The following SLC9A9 variants were observed in gnomAD, a reference collection of about 807,000 sequenced individuals.
SLC9A9 encodes sodium/hydrogen exchanger 9.
In SLC9A9, 62 loss-of-function variants were observed where a neutral mutation model predicts 77.8. The observed-to-expected ratio is 0.80, with a 90% CI of 0.65 to 0.98. The LOEUF (loss-of-function observed/expected upper bound fraction) is 0.98, where lower values mean the gene tolerates loss of function less well. SLC9A9 is among the 50% of genes least tolerant of loss of function. The probability of loss-of-function intolerance (pLI) is 0.00; values close to 1 mark genes in which losing one functional copy is unlikely to be tolerated. For synonymous variants in SLC9A9, 320 were observed against 283.5 expected, an observed-to-expected ratio of 1.13 and a Z score of -1.29; for missense variants, 775 against 774.9, an observed-to-expected ratio of 1.00 and a Z score of 0.00.
chr3:143,350,516 C>T (rs1364716813), intron 14 of SLC9A9, among the ~76,000 whole-genome samples: 1 of 152,198 alleles, frequency 6.6e-6, no homozygotes, highest in African/African-American at 2.4e-5. Context: ...TGCCGAGCTG[C>T]AATCCTCACT....
chr3:143,303,772 G>C (rs1156807639), intron 14 of SLC9A9, among the ~76,000 whole-genome samples: 1 of 152,142 alleles, frequency 6.6e-6, no homozygotes, highest in African/African-American at 2.4e-5. Flanking sequence ...TTCAGGTCTG[G>C]ATGACCTCTG....
intron 6 of SLC9A9, among the ~76,000 whole-genome samples, chr3:143,608,955 A>G (rs1420692111): frequency 1.3e-5 from 2 of 152,186 alleles, no homozygotes; most frequent in Non-Finnish European, 2.9e-5. Flanking sequence ...TTATTTTAAA[A>G]CTTTTATCTA....
chr3:143,359,314 A>G (rs1289906752), intron 14 of SLC9A9, among the ~76,000 whole-genome samples: 1 of 152,210 alleles, frequency 6.6e-6, no homozygotes, highest in African/African-American at 2.4e-5. Flanking sequence ...TGTCTATGGA[A>G]GGCACATATC....
intron 9 of SLC9A9, among the ~76,000 whole-genome samples, chr3:143,535,710 C>T (rs55937008): frequency 0.13 from 19,069 of 152,034 alleles, 1,252 homozygotes; most frequent in Non-Finnish European, 0.14. Context: ...TTCTACAATT[C>T]GTAACCCAAA....
chr3:143,377,625 T>A (rs2108495289), intron 13 of SLC9A9, among the ~76,000 whole-genome samples: 1 of 152,284 alleles, frequency 6.6e-6, no homozygotes, highest in Non-Finnish European at 1.5e-5. Flanking sequence ...GAGAAACCAT[T>A]AAGTAACAAG....
intron 6 of SLC9A9, among the ~76,000 whole-genome samples, chr3:143,629,752 G>C (rs750345874): frequency 6.6e-6 from 1 of 152,106 alleles, no homozygotes; most frequent in Non-Finnish European, 1.5e-5. Flanking sequence ...AGGTGGCACT[G>C]GGGGTAGAGA....
chr3:143,624,572 A>AAC (rs1324415716), intron 6 of SLC9A9, among the ~76,000 whole-genome samples: 3 of 152,238 alleles, frequency 2.0e-5, no homozygotes, highest in African/African-American at 7.2e-5. Context: ...ACAGCCCCTC[A>AAC]TGCTAAAAAC....
chr3:143,483,351 T>G (rs553527548), intron 11 of SLC9A9, among the ~76,000 whole-genome samples: 4 of 152,244 alleles, frequency 2.6e-5, no homozygotes, highest in African/African-American at 7.2e-5. Context: ...CAATGTGAGC[T>G]TTACTCAAAA....
intron 2 of SLC9A9, among the ~76,000 whole-genome samples, chr3:143,800,633 C>T (rs62268876): frequency 0.02 from 3,040 of 152,298 alleles, 55 homozygotes; most frequent in Non-Finnish European, 0.032. Flanking sequence ...AGCAGTTTAC[C>T]TGGGCTGTGC....
At chr3:143,667,480 T>G (rs1254071373) in intron 5 of SLC9A9, among the ~76,000 whole-genome samples, 4 of 152,008 alleles carry the variant, frequency 2.6e-5, no homozygotes. Context: ...AATTGACAAA[T>G]GGGATCTAAT....
At chr3:143,634,147 C>CTTTTTTTTTTTTTTT (rs1033629087) in intron 6 of SLC9A9, among the ~76,000 whole-genome samples, 1 of 149,218 alleles carries the variant, frequency 6.7e-6, no homozygotes, top group African/African-American at 2.6e-5. Flanking sequence ...ATAATCCTTT[C>CTTTTTTTTTTTTTTT]TTTAAGCTTG....
chr3:143,750,407 T>C (rs1355490863), intron 4 of SLC9A9, among the ~76,000 whole-genome samples: 1 of 152,182 alleles, frequency 6.6e-6, no homozygotes, highest in Admixed American at 6.5e-5. Flanking sequence ...TTAGCCCAGG[T>C]CCTAAGCAAA....
At chr3:143,427,429 C>CTCATGTAGAG (rs1262264821) in intron 12 of SLC9A9, among the ~76,000 whole-genome samples, 2 of 152,230 alleles carry the variant, frequency 1.3e-5, no homozygotes, top group Non-Finnish European at 2.9e-5. Context: ...ATCAGGGCAT[C>CTCATGTAGAG]TCATGTAGAG....
chr3:143,544,188 C>T (rs1284957111), intron 9 of SLC9A9, among the ~76,000 whole-genome samples: 4 of 152,114 alleles, frequency 2.6e-5, no homozygotes, highest in Non-Finnish European at 5.9e-5. Flanking sequence ...AGTGTCTGTT[C>T]ATGTCCTTTG....
chr3:143,545,940 C>G (rs966662831), intron 9 of SLC9A9, among the ~76,000 whole-genome samples: 9 of 152,240 alleles, frequency 5.9e-5, no homozygotes, highest in African/African-American at 2.2e-4. Context: ...ATACGTTATG[C>G]TCCATGTCAA....
intron 9 of SLC9A9, among the ~76,000 whole-genome samples, chr3:143,551,513 C>G (rs887286185): frequency 2.6e-5 from 4 of 152,170 alleles, no homozygotes; most frequent in Non-Finnish European, 4.4e-5. Context: ...GCCTCAAATG[C>G]CCTTGTGGCT....
At chr3:143,838,583 A>G (rs142705523) in intron 1 of SLC9A9, among the ~76,000 whole-genome samples, 54 of 152,328 alleles carry the variant, frequency 3.5e-4, no homozygotes, top group Admixed American at 7.2e-4. Flanking sequence ...AGAGGAAGTT[A>G]ACATCATATT....
At chr3:143,547,395 C>A (rs2036807724) in intron 9 of SLC9A9, among the ~76,000 whole-genome samples, 1 of 152,214 alleles carries the variant, frequency 6.6e-6, no homozygotes, top group Non-Finnish European at 1.5e-5. Context: ...TAATACACAT[C>A]CCAAACTTAA....
intron 6 of SLC9A9, among the ~76,000 whole-genome samples, chr3:143,587,725 G>A (rs372057730): frequency 5.3e-5 from 8 of 152,248 alleles, no homozygotes; most frequent in African/African-American, 1.9e-4. Context: ...GTTAGTTACA[G>A]TGGAGGAAGG....
Sources: allele counts gnomAD v4.1 joint callset (sites outside exome capture counted in the v4.1 genomes callset), GRCh38; gene constraint gnomAD v4.1.1; transcripts MANE v1.5; gene names NCBI Gene and HGNC (gene_info 2026-07-23, HGNC 2026-07-21).